The following SLCO1B1 variants were observed in gnomAD, a reference collection of about 807,000 sequenced individuals.
SLCO1B1 encodes solute carrier organic anion transporter family member 1B1.
Under a neutral mutation model 70.1 loss-of-function variants are expected in SLCO1B1, and 81 were observed. The ratio of observed to expected loss-of-function variants is 1.16; its 90% CI spans 0.97 to 1.39. The LOEUF (loss-of-function observed/expected upper bound fraction) is 1.39. SLCO1B1 is among the 40% of genes most tolerant of loss of function. SLCO1B1 has a pLI of 0.00. For missense variants in SLCO1B1, 895 were observed against 799.6 expected (o/e 1.12, Z -1.44); for synonymous variants, 283 against 271.5 (o/e 1.04, Z -0.42).
intron 2 of SLCO1B1, among the ~76,000 whole-genome samples, chr12:21,164,691 C>T (rs1365146526): frequency 6.6e-6 from 1 of 152,096 alleles, no homozygotes; most frequent in Non-Finnish European, 1.5e-5. Flanking sequence ...TATTTCACTT[C>T]TTAGGGGCTT....
intron 7 of SLCO1B1, among the ~76,000 whole-genome samples, chr12:21,187,922 G>A (rs35157563): frequency 0.12 from 18,489 of 152,046 alleles, 1,481 homozygotes; most frequent in Non-Finnish European, 0.18. Flanking sequence ...GAGTGCCTGC[G>A]AACTAGTGTC....
At chr12:21,220,496 G>A (rs1335577563) in intron 12 of SLCO1B1, among the ~76,000 whole-genome samples, 4 of 151,888 alleles carry the variant, frequency 2.6e-5, no homozygotes, top group Admixed American at 6.6e-5. Flanking sequence ...CCCCCAAGGC[G>A]GTATTAAAAT....
chr12:21,174,316 T>G (rs1940792217), intron 3 of SLCO1B1, among the ~76,000 whole-genome samples: 1 of 152,192 alleles, frequency 6.6e-6, no homozygotes, highest in Non-Finnish European at 1.5e-5. Flanking sequence ...TTCATTCCAG[T>G]ATAATCCAGT....
intron 2 of SLCO1B1, among the ~76,000 whole-genome samples, chr12:21,148,869 T>C (rs1940427259): frequency 2.0e-5 from 3 of 152,156 alleles, no homozygotes; most frequent in Admixed American, 6.5e-5. Context: ...AGAATGTTTT[T>C]CCATTTATTT....
chr12:21,134,169 C>T (rs1168379780), intron 1 of SLCO1B1, among the ~76,000 whole-genome samples: 1 of 152,186 alleles, frequency 6.6e-6, no homozygotes, highest in African/African-American at 2.4e-5. Flanking sequence ...AGCCTTGCAT[C>T]CCAGGGATGA....
chr12:21,173,630 A>G lies in SLCO1B1; in HGVS notation c.226+839A>G, dbSNP rs1304761885. On this transcript the variant is annotated intron_variant, in intron 3 of 14. Transcript: ENST00000256958. Reference sequence around the variant, plus strand: ...GGTACTAAATTTTTTATAAAGTAAAAAAAAAATTTACTCATTCATTTTGGT... The same window carrying G: ...GGTACTAAATTTTTTATAAAGTAAAGAAAAAATTTACTCATTCATTTTGGT... Among the ~76,000 whole-genome samples, 10 of 151,894 alleles carry G rather than the reference A, an allele frequency of 6.6e-5. No individual in the cohort carries two copies. The East Asian group carries it at 1.7e-3, about 26-fold the overall frequency.
intron 14 of SLCO1B1, among the ~76,000 whole-genome samples, chr12:21,228,204 A>C (rs970358876): frequency 5.9e-5 from 9 of 152,078 alleles, no homozygotes; most frequent in Admixed American, 1.3e-4. Context: ...CTTCTGATTA[A>C]AGTCGATTTT....
At chr12:21,134,994 C>T (rs1453983254) in intron 1 of SLCO1B1, among the ~76,000 whole-genome samples, 1 of 152,162 alleles carries the variant, frequency 6.6e-6, no homozygotes, top group African/African-American at 2.4e-5. Context: ...TCCCTCTACA[C>T]ACTGCTTTAA....
intron 5 of SLCO1B1, among the ~76,000 whole-genome samples, chr12:21,177,177 C>T (rs773317418): frequency 7.2e-5 from 11 of 152,100 alleles, no homozygotes; most frequent in Non-Finnish European, 1.5e-4. Flanking sequence ...TTGGATTGAA[C>T]AGGGCCAACT....
intron 7 of SLCO1B1, among the ~76,000 whole-genome samples, chr12:21,184,843 G>C (rs1348033854): frequency 6.6e-6 from 1 of 152,080 alleles, no homozygotes; most frequent in Non-Finnish European, 1.5e-5. Context: ...ACAAAACTTA[G>C]CCTTCTGTTG....
At position 21,174,715 on chromosome 12, in the gene SLCO1B1, T is replaced by G; in HGVS notation, c.359+6T>G. 1.3e-6 allele frequency: 2 copies of G among 1,567,084 alleles called. No homozygotes were observed. The highest frequency in any genetic ancestry group is 1.7e-6 in the Non-Finnish European group (2 of 1,159,650). ...CCACATTTCTTCATGGGATAGTAAG[T>G]GTTAAAAAAAAAAAAAACCTCTGTG... On this transcript the variant is annotated splice_donor_region_variant and intron_variant, in intron 4 of 14. Transcript: ENST00000256958.
intron 11 of SLCO1B1, among the ~76,000 whole-genome samples, chr12:21,209,970 G>A (rs1252417719): frequency 1.3e-5 from 2 of 151,954 alleles, no homozygotes; most frequent in Non-Finnish European, 2.9e-5. Flanking sequence ...CCCTTTGTCA[G>A]ATGAGTAGGT....
chr12:21,149,158 A>G (rs1030158608), intron 2 of SLCO1B1, among the ~76,000 whole-genome samples: 5 of 152,096 alleles, frequency 3.3e-5, no homozygotes, highest in African/African-American at 1.2e-4. Context: ...ATACAATCAT[A>G]TCATCTGCAA....
intron 13 of SLCO1B1, 35 bp from the exon 14 acceptor site, chr12:21,224,687 T>C (rs181399360): frequency 5.2e-5 from 62 of 1,202,714 alleles, no homozygotes; most frequent in Non-Finnish European, 7.6e-5. Context: ...TAAAATATGT[T>C]CCCTAAACTG....
intron 7 of SLCO1B1, among the ~76,000 whole-genome samples, chr12:21,185,184 A>C (rs958766362): frequency 2.0e-5 from 3 of 149,186 alleles, no homozygotes; most frequent in African/African-American, 7.3e-5. Context: ...TCAACAACTC[A>C]CTGACAGTGT....
chr12:21,158,370 A>G (rs1245108673), intron 2 of SLCO1B1, among the ~76,000 whole-genome samples: 1 of 152,182 alleles, frequency 6.6e-6, no homozygotes, highest in Non-Finnish European at 1.5e-5. Flanking sequence ...ATAAAAACAT[A>G]GTTTTTCAAA....
chr12:21,238,673 T>A (rs1195058581), intron 14 of SLCO1B1, among the ~76,000 whole-genome samples: 2 of 152,086 alleles, frequency 1.3e-5, no homozygotes, highest in African/African-American at 4.8e-5. Context: ...ATTTCAAACA[T>A]ACTTCTCAGT....
rs1941316163 is a variant in SLCO1B1, at chr12:21,213,557, C to T, written c.1498-3562C>T. Among the ~76,000 whole-genome samples the T allele has an allele frequency of 2.2e-5, 3 of 137,728 alleles. 1 individual carries two copies. The Admixed American group carries it at 2.2e-4, about 10-fold the overall frequency. The allele number at this position is 137,728 out of a possible 152,430, so 90.4% of individuals were successfully genotyped here. Reference sequence around the variant, plus strand: ...AATTATGTGTCTTGGAGTTGCTCTTCTCAAGGAGTATCTTTGTGGCATTCT... The same window carrying T: ...AATTATGTGTCTTGGAGTTGCTCTTTTCAAGGAGTATCTTTGTGGCATTCT... On this transcript the variant is annotated intron_variant, in intron 11 of 14. Transcript: ENST00000256958.
At chr12:21,232,495 AC>A (rs1941548969) in intron 14 of SLCO1B1, among the ~76,000 whole-genome samples, 1 of 152,176 alleles carries the variant, frequency 6.6e-6, no homozygotes, top group African/African-American at 2.4e-5. Flanking sequence ...TTTGTAACCG[AC>A]CAGCCCAAGA....
Sources: allele counts gnomAD v4.1 joint callset (sites outside exome capture counted in the v4.1 genomes callset), GRCh38; gene constraint gnomAD v4.1.1; transcripts MANE v1.5; gene names NCBI Gene and HGNC (gene_info 2026-07-23, HGNC 2026-07-21).